Variants in TTC39B observed in about 807,000 individuals in gnomAD.
The protein encoded by TTC39B is tetratricopeptide repeat protein 39B.
TTC39B carries 92 observed loss-of-function variants against 96.6 expected under a neutral mutation model. That is an observed-to-expected ratio of 0.95 (90% confidence interval 0.80 to 1.13). The LOEUF is 1.13. Among genes scored for constraint, TTC39B ranks in the 50% most tolerant of loss-of-function variants. The pLI is 0.00. For synonymous variants in TTC39B, 367 were observed against 299.4 expected (o/e 1.23, Z -2.33); for missense variants, 955 against 809.3 (o/e 1.18, Z -2.18).
intron 4 of TTC39B, among the ~76,000 whole-genome samples, chr9:15,211,891 G>T (rs1375152949): frequency 1.3e-5 from 2 of 152,228 alleles, no homozygotes; most frequent in African/African-American, 4.8e-5. Context: ...CAAGAGCCAT[G>T]ACCAAAGTAG....
chr9:15,288,285 T>C (rs1250715746), intron 1 of TTC39B, among the ~76,000 whole-genome samples: 1 of 152,160 alleles, frequency 6.6e-6, no homozygotes. Context: ...TAAATGAGAA[T>C]GGGCATTCCT....
intron 1 of TTC39B, among the ~76,000 whole-genome samples, chr9:15,303,578 G>A (rs138233832): frequency 3.0e-4 from 46 of 151,816 alleles, no homozygotes; most frequent in African/African-American, 1.1e-3. Flanking sequence ...GGGTCTCACT[G>A]CGTTACGCAG....
chr9:15,293,361 G>T (rs1318730732), intron 1 of TTC39B, among the ~76,000 whole-genome samples: 3 of 152,126 alleles, frequency 2.0e-5, no homozygotes, highest in Non-Finnish European at 4.4e-5. Context: ...ATAACTAGTT[G>T]CTGAGCACCT....
Position 15,252,851 on chromosome 9 carries a change from C to T in TTC39B, c.275+15063G>A, listed in dbSNP as rs548805264. ...AGTTTTCTGTAAATCTAAAATTGTT[C>T]TTACAAAACTGTCTATTAAAAAATC... On this transcript the variant is annotated intron_variant, in intron 2 of 19. Coordinates refer to ENST00000512701, the Ensembl canonical transcript of TTC39B. 8.7e-4 allele frequency among the ~76,000 whole-genome samples: 133 copies of T among 152,280 alleles called. 1 individual carries two copies. The highest frequency in any genetic ancestry group is 1.5e-3 in the Non-Finnish European group (102 of 68,018).
At chr9:15,192,005 C>A (rs1818884789) in intron 9 of TTC39B, among the ~76,000 whole-genome samples, 1 of 152,168 alleles carries the variant, frequency 6.6e-6, no homozygotes, top group South Asian at 2.1e-4. Flanking sequence ...ATAAGATGGT[C>A]CATTCTGTGG....
At chr9:15,303,111 T>G (rs1023094418) in intron 1 of TTC39B, among the ~76,000 whole-genome samples, 1 of 151,984 alleles carries the variant, frequency 6.6e-6, no homozygotes, top group Non-Finnish European at 1.5e-5. Flanking sequence ...GAGGTTGCAG[T>G]GAGCCGAGAT....
intron 2 of TTC39B, among the ~76,000 whole-genome samples, chr9:15,257,685 C>G (rs535645652): frequency 6.6e-6 from 1 of 151,954 alleles, no homozygotes; most frequent in African/African-American, 2.4e-5. Flanking sequence ...TGGGCTCAAG[C>G]AATCCACCCG....
chr9:15,211,200 A>C, intron 5 of TTC39B, 66 bp downstream of exon 5: 1 of 1,397,386 alleles, frequency 7.2e-7, no homozygotes, highest in Non-Finnish European at 9.4e-7. Context: ...GGCAAATGAC[A>C]TTATTTTTGT....
intron 1 of TTC39B, among the ~76,000 whole-genome samples, chr9:15,268,234 C>G (rs1195453399): frequency 2.0e-5 from 3 of 152,032 alleles, no homozygotes; most frequent in African/African-American, 7.3e-5. Flanking sequence ...TATGAAGTTA[C>G]CTTTCACTCC....
intron 2 of TTC39B, among the ~76,000 whole-genome samples, chr9:15,265,441 A>G (rs903655571): frequency 1.3e-5 from 2 of 152,176 alleles, no homozygotes; most frequent in Non-Finnish European, 2.9e-5. Context: ...GTGAACTCCA[A>G]TCACCAGCCC....
At chr9:15,267,974 G>C (rs1323652973) in intron 1 of TTC39B, 26 bp from the exon 2 acceptor site, 3 of 1,605,086 alleles carry the variant, frequency 1.9e-6, no homozygotes, top group South Asian at 1.1e-5. Context: ...AATACAATGA[G>C]TTTCTCAAGA....
intron 17 of TTC39B, among the ~76,000 whole-genome samples, chr9:15,180,820 G>A (rs1407227193): frequency 6.6e-6 from 1 of 152,166 alleles, no homozygotes; most frequent in African/African-American, 2.4e-5. Context: ...CCTAGAAGAG[G>A]TCATCATAAG....
intron 8 of TTC39B, among the ~76,000 whole-genome samples, chr9:15,194,612 G>A (rs1819048384): frequency 1.3e-5 from 2 of 152,196 alleles, no homozygotes; most frequent in Admixed American, 1.3e-4. Flanking sequence ...ACTCTGTGTT[G>A]AGCAAGTCTA....
intron 1 of TTC39B, among the ~76,000 whole-genome samples, chr9:15,280,055 C>G (rs1453589510): frequency 6.6e-6 from 1 of 151,934 alleles, no homozygotes; most frequent in Non-Finnish European, 1.5e-5. Flanking sequence ...GCCACCAAAC[C>G]CGGCTAATTT....
At chr9:15,199,876 C>T in exon 8 of TTC39B, 2 of 1,499,716 alleles carry the variant, frequency 1.3e-6, no homozygotes, top group South Asian at 1.2e-5. Flanking sequence ...TATTTGGTAA[C>T]TTGTTCTAAT....
exon 20 of TTC39B, chr9:15,167,028 A>ATATATATTTTTTTTT (rs1554758710): frequency 9.1e-5 from 1 of 11,022 alleles, no homozygotes; most frequent in African/African-American, 2.9e-4. Flanking sequence ...ATATATATAT[A>ATATATATTTTTTTTT]TTTTTTTTTT....
intron 1 of TTC39B, among the ~76,000 whole-genome samples, chr9:15,294,785 A>T (rs1824310929): frequency 6.6e-6 from 1 of 152,200 alleles, no homozygotes; most frequent in African/African-American, 2.4e-5. Context: ...CAATCTTTAC[A>T]CAATGCCTGT....
chr9:15,219,621 C>T lies in TTC39B; in HGVS notation c.372-5372G>A, dbSNP rs115682355. Among the ~76,000 whole-genome samples, 356 of 152,312 alleles carry T rather than the reference C, an allele frequency of 2.3e-3. 2 individuals are homozygous for T. Among genetic ancestry groups the T allele is most frequent in the African/African-American group, 8.1e-3 (338 of 41,570 alleles). ...GAAAGGAACATCCTTATCTCCGACACCTCGGACTTCCCTGAGTAGGGACTT... is the reference window on the plus strand; with the variant it reads ...GAAAGGAACATCCTTATCTCCGACATCTCGGACTTCCCTGAGTAGGGACTT... On this transcript the variant is annotated intron_variant, in intron 3 of 19. Coordinates refer to ENST00000512701, the Ensembl canonical transcript of TTC39B.
chr9:15,170,300 G>A (rs527762795), exon 20 of TTC39B: 81 of 135,768 alleles, frequency 6.0e-4, no homozygotes, highest in African/African-American at 1.9e-3. Flanking sequence ...AACGGCAGGA[G>A]CAGGTTCATA....
Sources: allele counts gnomAD v4.1 joint callset (sites outside exome capture counted in the v4.1 genomes callset), GRCh38; gene constraint gnomAD v4.1.1; transcripts MANE v1.5; gene names NCBI Gene and HGNC (gene_info 2026-07-23, HGNC 2026-07-21).